UNC13C: variants seen among roughly 807,000 people sequenced by gnomAD.
UNC13C encodes unc-13 homolog C, also known as protein unc-13 homolog C.
A neutral mutation model predicts 245.4 loss-of-function variants in UNC13C; 174 were observed. The observed-to-expected ratio is 0.71, with a 90% CI of 0.63 to 0.80. The LOEUF is 0.80. UNC13C is among the 30% of genes least tolerant of loss of function. The pLI is 0.00. For missense variants in UNC13C, 2,829 were observed against 2,602.9 expected, an observed-to-expected ratio of 1.09 and a Z score of -1.89; for synonymous variants, 992 against 895.1, an observed-to-expected ratio of 1.11 and a Z score of -1.93.
downstream of UNC13C, chr15:54,630,541 G>A (rs1034305649): frequency 6.6e-6 from 1 of 152,086 alleles, no homozygotes; most frequent in African/African-American, 2.4e-5. Context: ...ACATGACTCA[G>A]GGAATATCCT....
At chr15:54,363,061 T>G (rs1419577016) in intron 17 of UNC13C, among the ~76,000 whole-genome samples, 7 of 152,162 alleles carry the variant, frequency 4.6e-5, no homozygotes, top group African/African-American at 1.7e-4. Flanking sequence ...AGCTGAAAAC[T>G]GAAGCAACCA....
chr15:54,269,601 C>T (rs1326718983), intron 10 of UNC13C, among the ~76,000 whole-genome samples: 2 of 152,176 alleles, frequency 1.3e-5, no homozygotes, highest in Non-Finnish European at 2.9e-5. Flanking sequence ...TACCTAGGAC[C>T]ACCCAAGTAC....
chr15:54,012,197 A>G (rs1032827756), intron 1 of UNC13C, among the ~76,000 whole-genome samples: 87 of 152,082 alleles, frequency 5.7e-4, no homozygotes, highest in Admixed American at 1.6e-3. Flanking sequence ...AAAAGAGGTT[A>G]TATATATATA....
At chr15:54,181,547 G>A (rs1000929365) in intron 4 of UNC13C, among the ~76,000 whole-genome samples, 2 of 151,696 alleles carry the variant, frequency 1.3e-5, no homozygotes, top group Non-Finnish European at 2.9e-5. Flanking sequence ...TTGGTTCCAT[G>A]TGAATTTTAG....
intron 2 of UNC13C, among the ~76,000 whole-genome samples, chr15:54,018,277 C>T (rs933419182): frequency 4.6e-5 from 7 of 152,166 alleles, no homozygotes; most frequent in South Asian, 4.1e-4. Context: ...GTAGTTATCA[C>T]GAGGTAGCAG....
the UNC13C span, among the ~76,000 whole-genome samples, chr15:53,956,275 A>G: frequency 6.6e-6 from 1 of 152,154 alleles, no homozygotes; most frequent in Non-Finnish European, 1.5e-5. Flanking sequence ...CCTCAGCATC[A>G]CGCAATGTAC....
Position 54,369,197 on chromosome 15 carries a change from C to T in UNC13C, c.4714-23851C>T, listed in dbSNP as rs546985852. 1.8e-3 allele frequency among the ~76,000 whole-genome samples: 256 copies of T among 139,352 alleles called. 2 individuals are homozygous for T. Among genetic ancestry groups the T allele is most frequent in the African/African-American group, 6.8e-3 (250 of 36,780 alleles). The allele number at this position is 139,352 out of a possible 152,430, so 91.4% of individuals were successfully genotyped here. A position where few individuals can be genotyped will look rare whatever the true frequency, so the allele number is the denominator to read the frequency against. ...CTGGGATCGATGATTAACCTCCCCCCCCCAAAAAAAAAAGTTGAATGCTAG... is the reference window on the plus strand; with the variant it reads ...CTGGGATCGATGATTAACCTCCCCCTCCCAAAAAAAAAAGTTGAATGCTAG... On this transcript the variant is annotated intron_variant, in intron 17 of 32. Coordinates refer to ENST00000260323, the MANE Select transcript of UNC13C (RefSeq NM_001080534.3).
chr15:54,239,075 A>G (rs76635447), intron 7 of UNC13C, among the ~76,000 whole-genome samples: 4,289 of 152,274 alleles, frequency 0.028, 88 homozygotes, highest in Non-Finnish European at 0.048. Context: ...GTCCCTCCCT[A>G]TGCCTGGAGA....
At chr15:54,479,703 T>C (rs1325837342) in intron 19 of UNC13C, among the ~76,000 whole-genome samples, 1 of 151,842 alleles carries the variant, frequency 6.6e-6, no homozygotes, top group Non-Finnish European at 1.5e-5. Flanking sequence ...AAAGTGATAA[T>C]GTTGGATTCC....
chr15:53,914,881 ATG>A, the UNC13C span, among the ~76,000 whole-genome samples: 1 of 151,854 alleles, frequency 6.6e-6, no homozygotes, highest in South Asian at 2.1e-4. Flanking sequence ...CCCCCTAAAT[ATG>A]TGTGTGTATG....
At position 54,256,940 on chromosome 15, in the gene UNC13C, A is replaced by C. The variant is rs560898400; in HGVS notation, c.3448+6496A>C. Among the ~76,000 whole-genome samples, 4 of 152,304 alleles carry C rather than the reference A, an allele frequency of 2.6e-5. No homozygotes were observed. The South Asian group carries it at 6.2e-4, about 24-fold the overall frequency. On this transcript the variant is annotated intron_variant, in intron 8 of 32. Transcript: ENST00000260323. ...ACTTTAACACTGTTGCAGGGTGACCACGTCTAAGTTTGGCGCTCTTTGAAA... is the reference window on the plus strand; with the variant it reads ...ACTTTAACACTGTTGCAGGGTGACCCCGTCTAAGTTTGGCGCTCTTTGAAA...
In UNC13C at chr15:54,292,424, G is replaced by A. The variant is rs150792535; in HGVS notation, c.3819-1471G>A. Among the ~76,000 whole-genome samples the A allele has an allele frequency of 1.7e-3, 266 of 152,062 alleles. 1 individual carries two copies. The highest frequency in any genetic ancestry group is 3.4e-3 in the Middle Eastern group (1 of 294). ...AAAACCAAAAATGTCCCAGAAATTAGTAAAATGCTCTGTGTTGAAAACTCC... is the reference window on the plus strand; with the variant it reads ...AAAACCAAAAATGTCCCAGAAATTAATAAAATGCTCTGTGTTGAAAACTCC... On this transcript the variant is annotated intron_variant, in intron 10 of 32. Coordinates refer to ENST00000260323, the MANE Select transcript of UNC13C (RefSeq NM_001080534.3).
At chr15:54,322,463 C>A (rs2038188424) in intron 14 of UNC13C, among the ~76,000 whole-genome samples, 1 of 151,936 alleles carries the variant, frequency 6.6e-6, no homozygotes, top group African/African-American at 2.4e-5. Flanking sequence ...AGCTTGGCTG[C>A]CATCTCTGGA....
At chr15:54,005,282 A>G (rs149195466) in intron 1 of UNC13C, among the ~76,000 whole-genome samples, 6 of 152,340 alleles carry the variant, frequency 3.9e-5, no homozygotes, top group African/African-American at 1.4e-4. Flanking sequence ...TTCTTCAAAC[A>G]TACTACATAG....
intron 4 of UNC13C, among the ~76,000 whole-genome samples, chr15:54,153,315 A>C (rs542741301): frequency 7.2e-6 from 1 of 139,102 alleles, no homozygotes; most frequent in South Asian, 2.5e-4. Flanking sequence ...TCAAATTCAT[A>C]ATTATTATGA....
intron 30 of UNC13C, among the ~76,000 whole-genome samples, chr15:54,605,527 T>TA (rs1416491086): frequency 5.9e-5 from 9 of 152,042 alleles, no homozygotes; most frequent in African/African-American, 9.7e-5. Flanking sequence ...AGCCCTTTTT[T>TA]AAAAAAAATG....
intron 2 of UNC13C, among the ~76,000 whole-genome samples, chr15:54,107,990 A>G (rs191307710): frequency 1.3e-5 from 2 of 152,296 alleles, no homozygotes; most frequent in East Asian, 3.9e-4. Context: ...GGTTTCTGTG[A>G]CTTTGAGGCC....
At chr15:54,221,924 G>C (rs1473035662) in intron 4 of UNC13C, among the ~76,000 whole-genome samples, 1 of 151,980 alleles carries the variant, frequency 6.6e-6, no homozygotes, top group Non-Finnish European at 1.5e-5. Flanking sequence ...AAATTTGCTT[G>C]ATAGTTTTTT....
chr15:54,445,069 A>G (rs907381963), intron 19 of UNC13C, among the ~76,000 whole-genome samples: 5 of 144,270 alleles, frequency 3.5e-5, no homozygotes, highest in African/African-American at 2.6e-5. Context: ...TGCAGTGTTT[A>G]TTTTTTTGTC....
Sources: allele counts gnomAD v4.1 joint callset (sites outside exome capture counted in the v4.1 genomes callset), GRCh38; gene constraint gnomAD v4.1.1; transcripts MANE v1.5; gene names NCBI Gene and HGNC (gene_info 2026-07-23, HGNC 2026-07-21).